Variants in GPHN observed in about 807,000 individuals in gnomAD.
The protein encoded by GPHN is gephyrin.
GPHN carries 17 observed loss-of-function variants against 95.5 expected under a neutral mutation model. The observed-to-expected ratio is 0.18, with a 90% CI of 0.12 to 0.27. GPHN has a LOEUF of 0.27. GPHN is among the 10% of genes least tolerant of loss of function. GPHN has a pLI of 1.00. For missense variants in GPHN, 660 were observed against 978.1 expected, an observed-to-expected ratio of 0.67 and a Z score of 4.34; for synonymous variants, 320 against 322.5, an observed-to-expected ratio of 0.99 and a Z score of 0.08.
chr14:67,008,468 G>GA (rs200305876), intron 9 of GPHN, among the ~76,000 whole-genome samples: 2,947 of 143,798 alleles, frequency 0.02, 37 homozygotes, highest in Middle Eastern at 0.035. Context: ...AAAGAAAAAA[G>GA]AAAAAAAAAA....
the GPHN span, among the ~76,000 whole-genome samples, chr14:67,656,234 A>G: frequency 2.1e-4 from 32 of 149,494 alleles, no homozygotes; most frequent in African/African-American, 7.6e-4. Flanking sequence ...TGACACAGTG[A>G]GACTCTATCT....
At chr14:67,096,182 T>C (rs527500910) in intron 12 of GPHN, among the ~76,000 whole-genome samples, 1 of 152,244 alleles carries the variant, frequency 6.6e-6, no homozygotes, top group East Asian at 1.9e-4. Context: ...TAGAGACACA[T>C]TTACCAACTG....
chr14:67,559,710 T>A, the GPHN span: 1 of 1,544,890 alleles, frequency 6.5e-7, no homozygotes, highest in Non-Finnish European at 8.9e-7. Context: ...GAAACTCATC[T>A]TGGAGGCCTG....
chr14:66,874,003 G>A (rs1436663960), intron 4 of GPHN, among the ~76,000 whole-genome samples: 1 of 152,192 alleles, frequency 6.6e-6, no homozygotes, highest in Non-Finnish European at 1.5e-5. Flanking sequence ...ATACAGGAGA[G>A]CTCTGGCTGG....
intron 11 of GPHN, among the ~76,000 whole-genome samples, chr14:67,068,447 T>C (rs2076154699): frequency 6.6e-6 from 1 of 152,216 alleles, no homozygotes; most frequent in South Asian, 2.1e-4. Context: ...TTATGATTCA[T>C]TTTCTTTATT....
chr14:67,579,637 C>A, the GPHN span: 5 of 1,363,136 alleles, frequency 3.7e-6, no homozygotes, highest in Non-Finnish European at 5.0e-6. Context: ...TCCTTTCCAC[C>A]TGCTGTATCC....
At chr14:67,436,093 T>A in the GPHN span, among the ~76,000 whole-genome samples, 1 of 152,360 alleles carries the variant, frequency 6.6e-6, no homozygotes, top group South Asian at 2.1e-4. Context: ...GTAGCTCTAC[T>A]TCCCACAGAA....
At position 66,755,761 on chromosome 14, in the gene GPHN, T is replaced by C. The variant is rs545478915; in HGVS notation, c.144-20703T>C. On this transcript the variant is annotated intron_variant, in intron 2 of 22. Transcript: ENST00000478722. The stretch of plus-strand genomic sequence containing the variant: ...ATTAGAATGCTTTTCTTTCATATAT[T>C]TCAAGCGTGAGTCAGAATTGGAAAG... 1.3e-3 allele frequency among the ~76,000 whole-genome samples: 201 copies of C among 152,274 alleles called. 1 individual carries two copies. Among genetic ancestry groups the C allele is most frequent in the Non-Finnish European group, 2.1e-3 (146 of 67,984 alleles).
Position 66,919,049 on chromosome 14 carries a change from A to G in GPHN, c.456+2980A>G, listed in dbSNP as rs74914008. 3.1e-3 allele frequency among the ~76,000 whole-genome samples: 471 copies of G among 152,298 alleles called. 11 individuals carry two copies. The highest frequency in any genetic ancestry group is 0.011 in the African/African-American group (446 of 41,556). Reference sequence around the variant, plus strand: ...TTCTTACCTATTCTCTTTTGGTAATACGTTATAGATAATAGTGAGCACCTC... The same window carrying G: ...TTCTTACCTATTCTCTTTTGGTAATGCGTTATAGATAATAGTGAGCACCTC... On this transcript the variant is annotated intron_variant, in intron 6 of 22. Coordinates refer to ENST00000478722, the MANE Select transcript of GPHN (RefSeq NM_020806.5).
chr14:66,523,778 A>C (rs1379112191), intron 1 of GPHN, among the ~76,000 whole-genome samples: 1 of 152,118 alleles, frequency 6.6e-6, no homozygotes, highest in East Asian at 1.9e-4. Context: ...ATACATTTGA[A>C]TATAATTACC....
At chr14:67,432,684 G>T in the GPHN span, among the ~76,000 whole-genome samples, 1 of 152,348 alleles carries the variant, frequency 6.6e-6, no homozygotes, top group South Asian at 2.1e-4. Context: ...CTCATGTTCA[G>T]GAGGACAGAA....
At chr14:67,512,282 A>C in the GPHN span, among the ~76,000 whole-genome samples, 1 of 152,198 alleles carries the variant, frequency 6.6e-6, no homozygotes, top group East Asian at 1.9e-4. Context: ...ATCAGCTTAC[A>C]CTTTACTTTT....
chr14:66,846,670 C>A (rs1030222963), intron 4 of GPHN, among the ~76,000 whole-genome samples: 1 of 152,088 alleles, frequency 6.6e-6, no homozygotes, highest in African/African-American at 2.4e-5. Flanking sequence ...CGATAGGAAT[C>A]TCTTTAATTT....
chr14:66,779,023 A>G (rs1419474725), intron 3 of GPHN, among the ~76,000 whole-genome samples: 1 of 152,050 alleles, frequency 6.6e-6, no homozygotes, highest in Non-Finnish European at 1.5e-5. Context: ...GGATTAAGGC[A>G]TGAGCCACTG....
At chr14:67,643,956 G>A in the GPHN span, among the ~76,000 whole-genome samples, 1 of 149,864 alleles carries the variant, frequency 6.7e-6, no homozygotes, top group Non-Finnish European at 1.5e-5. Context: ...AAATCAACCA[G>A]AGGGCAAGTC....
chr14:67,158,307 CAAA>C (rs368266629), intron 18 of GPHN, among the ~76,000 whole-genome samples: 5 of 55,724 alleles, frequency 9.0e-5, no homozygotes, highest in Admixed American at 2.0e-4. Flanking sequence ...AACTCCATCT[CAAA>C]AAAAAAAAAA....
In GPHN at chr14:67,181,636, A is replaced by AAAAAAT; in HGVS notation, c.*704_*709dup. ...AATACATTTAAAATTGTACAGAACA[A>AAAAAAT]AAAAATAAAATCAAAGACTGATCTT... On this transcript the variant is annotated 3_prime_UTR_variant, in exon 23 of 23. Coordinates refer to ENST00000478722, the MANE Select transcript of GPHN (RefSeq NM_020806.5). 1 of 321,280 alleles carries AAAAAAT rather than the reference A, an allele frequency of 3.1e-6. No homozygotes were observed. The highest frequency in any genetic ancestry group is 3.1e-5 in the South Asian group (1 of 31,906). 19.9% of individuals were successfully genotyped at this position (321,280 alleles called of 1,614,324 possible).
the GPHN span, among the ~76,000 whole-genome samples, chr14:67,240,665 C>T: frequency 6.6e-6 from 1 of 152,242 alleles, no homozygotes; most frequent in South Asian, 2.1e-4. Flanking sequence ...GCTCTGACTT[C>T]CGCCCGCACC....
the GPHN span, among the ~76,000 whole-genome samples, chr14:67,655,385 G>A: frequency 3.3e-5 from 5 of 152,246 alleles, no homozygotes; most frequent in Middle Eastern, 3.4e-3. Context: ...AAAAATAAAT[G>A]AGTTATTTTT....
Sources: gnomAD v4.1 joint callset for allele counts (sites outside exome capture counted in the v4.1 genomes callset) on GRCh38, gnomAD v4.1.1 for gene constraint, MANE v1.5 for transcripts, NCBI Gene and HGNC (gene_info 2026-07-23, HGNC 2026-07-21) for gene names.